The following CFAP92 variants were observed in gnomAD, a reference collection of about 807,000 sequenced individuals.
The protein encoded by CFAP92 is cilia and flagella associated protein 92 (putative), also known as uncharacterized protein CFAP92.
A neutral mutation model predicts 106.3 loss-of-function variants in CFAP92; 86 were observed. The ratio of observed to expected loss-of-function variants is 0.81; its 90% CI spans 0.68 to 0.97. The LOEUF (loss-of-function observed/expected upper bound fraction) is 0.97. Ranked by LOEUF, CFAP92 falls within the 50% of genes least tolerant of loss-of-function variation. The probability of loss-of-function intolerance (pLI) is 0.00; values close to 1 mark genes in which losing one functional copy is unlikely to be tolerated. For missense variants in CFAP92, 1,204 were observed against 1,283.8 expected (o/e 0.94, Z 0.95); for synonymous variants, 477 against 506.4 (o/e 0.94, Z 0.78).
intron 12 of CFAP92, among the ~76,000 whole-genome samples, chr3:128,932,337 A>C (rs933421066): frequency 6.6e-6 from 1 of 151,108 alleles, no homozygotes; most frequent in Non-Finnish European, 1.5e-5. Context: ...TTGCTTGGAC[A>C]TCTTATGACA....
chr3:128,978,531 T>G (rs1943311045), intron 4 of CFAP92, among the ~76,000 whole-genome samples: 1 of 152,166 alleles, frequency 6.6e-6, no homozygotes, highest in Non-Finnish European at 1.5e-5. Flanking sequence ...AGTTTGAAGC[T>G]GCAGGGAGCT....
chr3:129,011,635 G>A, the CFAP92 span, among the ~76,000 whole-genome samples: 1 of 152,298 alleles, frequency 6.6e-6, no homozygotes, highest in East Asian at 1.9e-4. Context: ...GGATCACAAA[G>A]GGGCAGGCCT....
At chr3:128,942,881 CG>C (rs1939786993) in intron 10 of CFAP92, among the ~76,000 whole-genome samples, 1 of 147,544 alleles carries the variant, frequency 6.8e-6, no homozygotes, top group African/African-American at 2.5e-5. Flanking sequence ...GGGGTTTCAC[CG>C]TGTTGGCAAA....
At chr3:128,978,347 A>G (rs1943296709) in intron 4 of CFAP92, 162 bp from the exon 5 acceptor site, 2 of 663,454 alleles carry the variant, frequency 3.0e-6, no homozygotes, top group Non-Finnish European at 2.5e-6. Context: ...CCCAGTGCAT[A>G]TAAATTATGT....
upstream of CFAP92, among the ~76,000 whole-genome samples, chr3:128,996,599 G>T (rs1201538965): frequency 6.6e-6 from 1 of 152,198 alleles, no homozygotes. Flanking sequence ...AGCAAAGGAA[G>T]GGGGGCTTCT....
intron 12 of CFAP92, among the ~76,000 whole-genome samples, chr3:128,917,646 T>C (rs1936928450): frequency 6.6e-6 from 1 of 152,150 alleles, no homozygotes. Context: ...AGAGTGAAGA[T>C]AGCAATATGA....
chr3:128,974,026 A>G (rs1942989428), intron 7 of CFAP92, among the ~76,000 whole-genome samples: 1 of 152,258 alleles, frequency 6.6e-6, no homozygotes. Flanking sequence ...AAAAAGAGTG[A>G]CACTTTTAAT....
chr3:129,004,005 A>C (rs779196353), upstream of CFAP92: 87 of 1,505,738 alleles, frequency 5.8e-5, no homozygotes, highest in East Asian at 2.8e-4. Flanking sequence ...CGAGAGCTGG[A>C]GGCGCTGGCG....
upstream of CFAP92, among the ~76,000 whole-genome samples, chr3:129,005,449 G>A (rs544808386): frequency 3.9e-5 from 6 of 152,370 alleles, no homozygotes; most frequent in South Asian, 1.2e-3. Context: ...TTTAGGGCCT[G>A]GAAGGTGGCA....
At position 128,909,988 on chromosome 3, in the gene CFAP92, G is replaced by A. The variant is rs767382585; in HGVS notation, c.*311C>T. The A allele has an allele frequency of 6.8e-6, 11 of 1,610,750 alleles. No individual in the cohort carries two copies. In the African/African-American group the frequency reaches 1.5e-4, roughly 21 times the overall value. On this transcript the variant is annotated 3_prime_UTR_variant, in exon 16 of 16. Coordinates refer to ENST00000645291, the MANE Select transcript of CFAP92 (RefSeq NM_001394090.1). ...ACCATGTGGGGGACTGGTCTAGGTA[G>A]TGAGTCCCCACTTGGAGCCTCTGTG... is the stretch of plus-strand genomic sequence containing the variant.
At chr3:128,960,649 A>G (rs1279507128) in intron 9 of CFAP92, among the ~76,000 whole-genome samples, 3 of 152,326 alleles carry the variant, frequency 2.0e-5, no homozygotes, top group African/African-American at 7.2e-5. Flanking sequence ...CCCACGTTTC[A>G]AGGGTGTCAG....
chr3:128,955,687 A>C, intron 9 of CFAP92, among the ~76,000 whole-genome samples: 2 of 36,666 alleles, frequency 5.5e-5, no homozygotes, highest in Non-Finnish European at 7.6e-5. Context: ...CCAACAGCTC[A>C]TTGAGAACGG....
upstream of CFAP92, among the ~76,000 whole-genome samples, chr3:129,007,078 C>G (rs967129034): frequency 6.6e-6 from 1 of 152,220 alleles, no homozygotes; most frequent in African/African-American, 2.4e-5. Context: ...GGCACAGCGA[C>G]TTAGTGGCAA....
chr3:128,961,840 CAAT>C (rs1455646105), intron 9 of CFAP92, among the ~76,000 whole-genome samples: 1 of 152,160 alleles, frequency 6.6e-6, no homozygotes, highest in Middle Eastern at 3.2e-3. Context: ...TCAAGGTGTA[CAAT>C]AATAGGAAAA....
At chr3:129,012,811 G>A in the CFAP92 span, among the ~76,000 whole-genome samples, 1 of 152,206 alleles carries the variant, frequency 6.6e-6, no homozygotes, top group African/African-American at 2.4e-5. Context: ...CCTTAGAAGT[G>A]AAAATTCAAG....
At position 128,965,575 on chromosome 3, in the gene CFAP92, A is replaced by C. The variant is rs1259240353; in HGVS notation, c.1289T>G (p.Leu430Arg). ...GGAAGCACACTTGATCTTTATGGTC[A>C]GGGGATTTAAATCCTGCTTTTGCTC... is the stretch of plus-strand genomic sequence containing the variant. ...TEEQKQDLNP[L>R]TIKIKCASCL... The change falls in exon 9 of 16, where the codon CTG becomes CGG. Residue 430 changes from leucine to arginine, a missense_variant. Coordinates refer to ENST00000645291, the MANE Select transcript of CFAP92 (RefSeq NM_001394090.1). 1.3e-5 allele frequency: 5 copies of C among 398,936 alleles called. No homozygotes were observed. Among genetic ancestry groups the C allele is most frequent in the Non-Finnish European group, 2.2e-5 (5 of 226,078 alleles). The allele number at this position is 398,936 out of a possible 1,614,324, so 24.7% of individuals were successfully genotyped here. A position where few individuals can be genotyped will look rare whatever the true frequency, so the allele number is the denominator to read the frequency against.
chr3:128,963,965 A>G (rs1043744242), intron 9 of CFAP92, among the ~76,000 whole-genome samples: 5 of 152,210 alleles, frequency 3.3e-5, no homozygotes, highest in Non-Finnish European at 4.4e-5. Flanking sequence ...TAGTTCAAAT[A>G]GACACTTTCA....
chr3:128,915,904 T>G (rs1936777571), intron 13 of CFAP92: 4 of 435,788 alleles, frequency 9.2e-6, no homozygotes, highest in South Asian at 9.0e-5. Context: ...ACATTGAGGA[T>G]CTTGGGCTTA....
Position 128,975,820 on chromosome 3 carries a change from A to C in CFAP92, c.980T>G (p.Leu327Arg). ...EIKELIESES[L>R]SSLTNILDRQ... ...GTCTAATATGTTTGTTAAGCTGCTA[A>C]GTGATTCACTCTCAATTAATTCCTT... The change falls in exon 7 of 16, where the codon CTT (leucine) becomes CGT (arginine). Residue 327 changes from leucine to arginine, a missense_variant. Transcript: ENST00000645291. 1 of 1,607,730 alleles carries C rather than the reference A, an allele frequency of 6.2e-7. No homozygotes were observed. The highest frequency in any genetic ancestry group is 8.5e-7 in the Non-Finnish European group (1 of 1,176,852).
Sources: gnomAD v4.1 joint callset for allele counts (sites outside exome capture counted in the v4.1 genomes callset) on GRCh38, gnomAD v4.1.1 for gene constraint, MANE v1.5 for transcripts, NCBI Gene and HGNC (gene_info 2026-07-23, HGNC 2026-07-21) for gene names.